Variants in VPS13A observed in about 807,000 individuals in gnomAD.
VPS13A encodes vacuolar protein sorting 13 homolog A.
VPS13A carries 264 observed loss-of-function variants against 390.9 expected under a neutral mutation model. The observed-to-expected ratio is 0.68, with a 90% CI of 0.61 to 0.75. The LOEUF is 0.75. VPS13A is among the 30% of genes least tolerant of loss of function. The pLI is 0.00. For missense variants in VPS13A, 3,409 were observed against 3,733.9 expected, an observed-to-expected ratio of 0.91 and a Z score of 2.27; for synonymous variants, 1,231 against 1,227.1, an observed-to-expected ratio of 1.00 and a Z score of -0.07.
chr9:77,314,375 C>T (rs1394748310), intron 36 of VPS13A, 120 bp from the exon 37 acceptor site: 13 of 1,114,730 alleles, frequency 1.2e-5, no homozygotes, highest in South Asian at 5.5e-5. Flanking sequence ...TAGAGCCCTT[C>T]GGAGACAGAA....
chr9:77,238,283 T>C lies in VPS13A; in HGVS notation c.1797T>C (p.Asn599=). Residue 599 remains asparagine (N), a synonymous_variant, in exon 19 of 72, where the codon AAT becomes AAC. Transcript: ENST00000360280. ...GTTTATTTTAACAGAGGACAGTGAATAGTATAGTGGAATTCTTCAGACCTC... is the reference window on the plus strand; with the variant it reads ...GTTTATTTTAACAGAGGACAGTGAACAGTATAGTGGAATTCTTCAGACCTC... ...LEIIYDARTV[N]SIVEFFRPPK... 6.2e-7 allele frequency: 1 copy of C among 1,613,738 alleles called. No homozygotes were observed. Among genetic ancestry groups the C allele is most frequent in the African/African-American group, 1.3e-5 (1 of 75,016 alleles).
chr9:77,405,816 A>G, intron 69 of VPS13A, 48 bp from the exon 70 acceptor site: 1 of 1,607,222 alleles, frequency 6.2e-7, no homozygotes, highest in Non-Finnish European at 8.5e-7. Context: ...ATTGGATATA[A>G]GTGCCTCAAT....
intron 33 of VPS13A, among the ~76,000 whole-genome samples, chr9:77,302,016 G>A (rs1828393659): frequency 6.6e-6 from 1 of 150,916 alleles, no homozygotes; most frequent in Non-Finnish European, 1.5e-5. Context: ...GGAGAGCAAT[G>A]GCATGATCTT....
At chr9:77,320,744 A>G (rs12380218) in intron 42 of VPS13A, among the ~76,000 whole-genome samples, 29,674 of 151,982 alleles carry the variant, frequency 0.2, 3,722 homozygotes, top group East Asian at 0.38. Context: ...TATGAGCTCT[A>G]GGTTTATAAC....
chr9:77,248,731 A>G (rs1452146292), intron 20 of VPS13A, among the ~76,000 whole-genome samples: 2 of 151,564 alleles, frequency 1.3e-5, no homozygotes, highest in Non-Finnish European at 2.9e-5. Flanking sequence ...TGGCTACTGT[A>G]TTTTTTGTTT....
At chr9:77,220,447 G>C in intron 12 of VPS13A, 64 bp downstream of exon 12, 2 of 1,122,536 alleles carry the variant, frequency 1.8e-6, no homozygotes, top group Non-Finnish European at 2.6e-6. Context: ...TAAATTTCTC[G>C]ACTTCAAGAA....
intron 52 of VPS13A, among the ~76,000 whole-genome samples, chr9:77,347,025 T>G (rs992344054): frequency 6.6e-6 from 1 of 152,238 alleles, no homozygotes; most frequent in Admixed American, 6.5e-5. Flanking sequence ...GTTTCTCTAT[T>G]CTGTTCCATT....
intron 31 of VPS13A, among the ~76,000 whole-genome samples, chr9:77,286,493 A>C (rs1179205961): frequency 6.6e-6 from 1 of 152,182 alleles, no homozygotes; most frequent in Non-Finnish European, 1.5e-5. Context: ...CCTTATTTAT[A>C]TTTGCAGGGT....
intron 45 of VPS13A, among the ~76,000 whole-genome samples, chr9:77,326,273 C>T (rs1830013831): frequency 1.3e-5 from 2 of 151,838 alleles, no homozygotes; most frequent in Admixed American, 1.3e-4. Flanking sequence ...GGTTTACTGA[C>T]CTTAAAAATG....
Position 77,323,923 on chromosome 9 carries a change from C to T in VPS13A, c.5991+696C>T, listed in dbSNP as rs114867785. 4.7e-3 allele frequency among the ~76,000 whole-genome samples: 712 copies of T among 152,066 alleles called. 4 individuals carry two copies. Among genetic ancestry groups the T allele is most frequent in the African/African-American group, 0.016 (644 of 41,492 alleles). Reference sequence around the variant, plus strand: ...CTATTATATGTATATGCCGCATAGCCATTTTGAGTGAACCTTTGTATACAG... The same window carrying T: ...CTATTATATGTATATGCCGCATAGCTATTTTGAGTGAACCTTTGTATACAG... On this transcript the variant is annotated intron_variant, in intron 45 of 71. Coordinates refer to ENST00000360280, the MANE Select transcript of VPS13A (RefSeq NM_033305.3).
chr9:77,370,636 A>G (rs1832699189), intron 65 of VPS13A, 58 bp downstream of exon 65: 22 of 1,605,862 alleles, frequency 1.4e-5, no homozygotes, highest in Non-Finnish European at 1.8e-5. Context: ...ACAAACCTAC[A>G]TTTGCGAATA....
Position 77,414,739 on chromosome 9 carries a change from T to TTAA in VPS13A, c.9475-1189_9475-1187dup, listed in dbSNP as rs148536381. Reference sequence around the variant, plus strand: ...ATGTACCCTAAAACTTGAAGTATAATTAATAATAATAATAATAATAATAAT... The same window carrying TTAA: ...ATGTACCCTAAAACTTGAAGTATAATTAATAATAATAATAATAATAATAATAAT... On this transcript the variant is annotated intron_variant, in intron 71 of 71. Transcript: ENST00000360280. Among the ~76,000 whole-genome samples, 882 of 145,684 alleles carry TTAA rather than the reference T, an allele frequency of 6.1e-3. 9 individuals carry two copies. The highest frequency in any genetic ancestry group is 0.014 in the Middle Eastern group (4 of 280).
intron 23 of VPS13A, among the ~76,000 whole-genome samples, chr9:77,272,729 G>T (rs567208939): frequency 6.6e-6 from 1 of 152,090 alleles, no homozygotes; most frequent in Non-Finnish European, 1.5e-5. Context: ...AATGAGATCC[G>T]GGAGGAACAC....
chr9:77,392,723 CACTATATAAA>C (rs1833947843), intron 68 of VPS13A, among the ~76,000 whole-genome samples: 1 of 149,870 alleles, frequency 6.7e-6, no homozygotes, highest in Non-Finnish European at 1.5e-5. Context: ...ACTATATATA[CACTATATAAA>C]ACTATATATA....
chr9:77,313,857 T>C lies in VPS13A; in HGVS notation c.4115-135T>C, dbSNP rs368217975. 20 of 999,866 alleles carry C rather than the reference T, an allele frequency of 2.0e-5. No homozygotes were observed. In the East Asian group the frequency reaches 2.2e-4, roughly 11 times the overall value. 61.9% of individuals were successfully genotyped at this position (999,866 alleles called of 1,614,324 possible). ...AAGTTACTGAGTTTTACATCTGAAT[T>C]TTCTAATATTTTATTTTCTTGAATG... On this transcript the variant is annotated intron_variant, in intron 35 of 71. Transcript: ENST00000360280.
rs1186823754 is a variant in VPS13A, at chr9:77,340,504, T to C, written c.6980T>C (p.Val2327Ala). 1 of 1,613,280 alleles carries C rather than the reference T, an allele frequency of 6.2e-7. No homozygotes were observed. The highest frequency in any genetic ancestry group is 1.1e-5 in the South Asian group (1 of 91,034). The change falls in exon 50 of 72, where the codon GTG becomes GCG. Residue 2327 changes from valine (V) to alanine (A), a missense_variant. Physicochemically the swap from Val to Ala is moderately conservative, Grantham distance 64. Coordinates refer to ENST00000360280, the MANE Select transcript of VPS13A (RefSeq NM_033305.3). Reference sequence around the variant, plus strand: ...AACAAAAGCAAATACCATATATCAGTGGCTGAAGAAGGAAATGATAAATGG... The same window carrying C: ...AACAAAAGCAAATACCATATATCAGCGGCTGAAGAAGGAAATGATAAATGG... ...IKNKSKYHISVAEEGNDKWLS... is the reference protein window; with the variant it reads ...IKNKSKYHISAAEEGNDKWLS...
intron 1 of VPS13A, among the ~76,000 whole-genome samples, chr9:77,198,129 T>C (rs960074749): frequency 2.0e-5 from 3 of 152,126 alleles, no homozygotes; most frequent in Non-Finnish European, 4.4e-5. Context: ...AAAAGGTAAC[T>C]GTAGAATGTA....
chr9:77,184,133 C>A (rs560593180), intron 1 of VPS13A, among the ~76,000 whole-genome samples: 3 of 152,184 alleles, frequency 2.0e-5, no homozygotes, highest in South Asian at 4.1e-4. Context: ...TGAGTTTTGA[C>A]AAATACATAC....
chr9:77,279,185 G>T (rs916717809), intron 26 of VPS13A, among the ~76,000 whole-genome samples: 1 of 152,204 alleles, frequency 6.6e-6, no homozygotes, highest in Non-Finnish European at 1.5e-5. Context: ...TGACATGTGG[G>T]CTGGAAGGAT....
Sources: gnomAD v4.1 joint callset for allele counts (sites outside exome capture counted in the v4.1 genomes callset) on GRCh38, gnomAD v4.1.1 for gene constraint, MANE v1.5 for transcripts, NCBI Gene and HGNC (gene_info 2026-07-23, HGNC 2026-07-21) for gene names.